Variants in MPDZ observed in about 807,000 individuals in gnomAD.
The protein encoded by MPDZ is multiple PDZ domain protein.
Under a neutral mutation model 239.1 loss-of-function variants are expected in MPDZ, and 234 were observed. The ratio of observed to expected loss-of-function variants is 0.98; its 90% CI spans 0.88 to 1.09. The LOEUF (loss-of-function observed/expected upper bound fraction) is 1.09. Among genes scored for constraint, MPDZ ranks in the 50% least tolerant of loss-of-function variants. The probability of loss-of-function intolerance (pLI) is 0.00; values close to 1 mark genes in which losing one functional copy is unlikely to be tolerated. For synonymous variants in MPDZ, 1,048 were observed against 881.3 expected, an observed-to-expected ratio of 1.19 and a Z score of -3.35; for missense variants, 3,175 against 2,510.0, an observed-to-expected ratio of 1.26 and a Z score of -5.66.
intron 23 of MPDZ, among the ~76,000 whole-genome samples, chr9:13,160,687 T>C (rs1437569154): frequency 6.6e-6 from 1 of 151,454 alleles, no homozygotes; most frequent in Non-Finnish European, 1.5e-5. Flanking sequence ...AAAGTAAATA[T>C]AGGCGTCTCC....
At chr9:13,129,269 C>G (rs1363770055) in intron 32 of MPDZ, among the ~76,000 whole-genome samples, 2 of 151,916 alleles carry the variant, frequency 1.3e-5, no homozygotes, top group African/African-American at 4.8e-5. Flanking sequence ...TCAAGACCAG[C>G]CTGGCCAACA....
Position 13,221,384 on chromosome 9 carries a change from T to G in MPDZ, c.864A>C (p.Gly288=). ...GVIVKTILPG[G]VADQHGRLCS... ...TGATGTAGCCTACCTGATCAGCTAC[T>G]CCTCCAGGCAGAATGGTTTTTACTA... Residue 288 remains glycine, a synonymous_variant, in exon 7 of 47, where the codon GGA becomes GGC. Coordinates refer to ENST00000319217, the MANE Select transcript of MPDZ (RefSeq NM_001378778.1). The G allele has an allele frequency of 6.2e-7, 1 of 1,608,118 alleles. No individual in the cohort carries two copies. The highest frequency in any genetic ancestry group is 1.1e-5 in the South Asian group (1 of 90,152).
intron 21 of MPDZ, among the ~76,000 whole-genome samples, chr9:13,170,146 G>A (rs770099898): frequency 6.6e-6 from 1 of 151,770 alleles, no homozygotes; most frequent in Non-Finnish European, 1.5e-5. Flanking sequence ...AAGCTACCAG[G>A]GTATTTATAA....
At chr9:13,188,363 C>T (rs1587642797) in intron 17 of MPDZ, among the ~76,000 whole-genome samples, 2 of 151,988 alleles carry the variant, frequency 1.3e-5, no homozygotes, top group Admixed American at 1.3e-4. Flanking sequence ...ACTAAAAATA[C>T]AAAAATTAGC....
At chr9:13,258,696 G>C (rs1029121314) in intron 1 of MPDZ, among the ~76,000 whole-genome samples, 2 of 152,100 alleles carry the variant, frequency 1.3e-5, no homozygotes, top group African/African-American at 4.8e-5. Flanking sequence ...TCTTTTCTTA[G>C]CATCTGTTCT....
intron 3 of MPDZ, 72 bp downstream of exon 3, chr9:13,247,563 T>G: frequency 6.6e-7 from 1 of 1,510,160 alleles, no homozygotes. Context: ...AATCAGCCTT[T>G]CAGAAAAACA....
intron 5 of MPDZ, 34 bp downstream of exon 5, chr9:13,223,537 A>G: frequency 1.3e-6 from 2 of 1,570,704 alleles, no homozygotes; most frequent in Non-Finnish European, 1.7e-6. Context: ...AGAATGTGGG[A>G]TCAAAAACAA....
At chr9:13,222,520 T>A in intron 5 of MPDZ, 74 bp from the exon 6 acceptor site, 1 of 1,171,084 alleles carries the variant, frequency 8.5e-7, no homozygotes, top group Non-Finnish European at 1.3e-6. Flanking sequence ...TTGGCATGTA[T>A]GTTCAAGTCA....
intron 29 of MPDZ, among the ~76,000 whole-genome samples, chr9:13,137,102 T>C (rs955709097): frequency 2.0e-5 from 3 of 152,072 alleles, no homozygotes; most frequent in African/African-American, 4.8e-5. Context: ...TGGCAGGCAC[T>C]GGGCTCCCAG....
intron 32 of MPDZ, among the ~76,000 whole-genome samples, chr9:13,127,311 G>T (rs759804361): frequency 2.0e-5 from 3 of 152,156 alleles, no homozygotes; most frequent in Non-Finnish European, 4.4e-5. Context: ...ATTTCAATCT[G>T]CTGCAGACTG....
At chr9:13,142,021 T>C (rs1196676601) in intron 27 of MPDZ, among the ~76,000 whole-genome samples, 2 of 152,152 alleles carry the variant, frequency 1.3e-5, no homozygotes, top group Non-Finnish European at 2.9e-5. Context: ...TTCATTATCA[T>C]AGTAAAGAGG....
chr9:13,234,139 A>G (rs1963305025), intron 3 of MPDZ, among the ~76,000 whole-genome samples: 1 of 152,158 alleles, frequency 6.6e-6, no homozygotes, highest in South Asian at 2.1e-4. Context: ...ATGCTGGTAC[A>G]AGGCTAATGT....
At chr9:13,132,946 A>G (rs1946223886) in intron 32 of MPDZ, among the ~76,000 whole-genome samples, 1 of 152,174 alleles carries the variant, frequency 6.6e-6, no homozygotes, top group Admixed American at 6.6e-5. Context: ...ATTATATCCT[A>G]GAATATACTA....
intron 38 of MPDZ, chr9:13,120,043 G>A: frequency 5.6e-6 from 1 of 178,196 alleles, no homozygotes; most frequent in Non-Finnish European, 1.2e-5. Flanking sequence ...ATTAACTTGT[G>A]GTTACATAAA....
At position 13,192,145 on chromosome 9, in the gene MPDZ, C is replaced by T; in HGVS notation, c.1954G>A (p.Glu652Lys). 1 of 1,602,200 alleles carries T rather than the reference C, an allele frequency of 6.2e-7. No homozygotes were observed. The highest frequency in any genetic ancestry group is 8.5e-7 in the Non-Finnish European group (1 of 1,173,934). Reference protein sequence around the residue: ...ELDSLDLCDIELTEKPHVDLG... With the variant: ...ELDSLDLCDIKLTEKPHVDLG... ...AAATCTGATACCTTTTCTGTTAGCT[C>T]AATATCACATAAGTCCAGGCTATCC... Residue 652 changes from glutamate (E) to lysine (K), a missense_variant, in exon 15 of 47, where the codon GAG (glutamate) becomes AAG (lysine). Transcript: ENST00000319217.
At chr9:13,163,741 T>C (rs897028992) in intron 22 of MPDZ, among the ~76,000 whole-genome samples, 2 of 152,168 alleles carry the variant, frequency 1.3e-5, no homozygotes, top group Non-Finnish European at 2.9e-5. Flanking sequence ...ATAATTTATC[T>C]GTTAAAATAA....
intron 4 of MPDZ, among the ~76,000 whole-genome samples, chr9:13,223,911 A>G (rs1959660653): frequency 6.6e-6 from 1 of 151,882 alleles, no homozygotes; most frequent in Admixed American, 6.6e-5. Context: ...GCACACATCT[A>G]TAGTCCCAGA....
At chr9:13,173,312 T>C (rs1366251040) in intron 21 of MPDZ, among the ~76,000 whole-genome samples, 1 of 152,156 alleles carries the variant, frequency 6.6e-6, no homozygotes, top group East Asian at 1.9e-4. Context: ...TCAATGTATC[T>C]TGACATATTA....
chr9:13,193,084 G>A (rs1177860068), intron 14 of MPDZ, 83 bp downstream of exon 14: 3 of 1,259,208 alleles, frequency 2.4e-6, no homozygotes, highest in East Asian at 5.3e-5. Context: ...AATTTAAAAT[G>A]AGAATTTATT....
Sources: gnomAD v4.1 joint callset for allele counts (sites outside exome capture counted in the v4.1 genomes callset) on GRCh38, gnomAD v4.1.1 for gene constraint, MANE v1.5 for transcripts, NCBI Gene and HGNC (gene_info 2026-07-23, HGNC 2026-07-21) for gene names.